TTYH2: variants seen among roughly 807,000 people sequenced by gnomAD.
The protein encoded by TTYH2 is protein tweety homolog 2.
In TTYH2, 49 loss-of-function variants were observed where a neutral mutation model predicts 68.3. The ratio of observed to expected loss-of-function variants is 0.72; its 90% CI spans 0.57 to 0.91. The LOEUF (loss-of-function observed/expected upper bound fraction) is 0.91. TTYH2 is among the 40% of genes least tolerant of loss of function. The pLI is 0.00. For missense variants in TTYH2, 631 were observed against 700.4 expected, an observed-to-expected ratio of 0.90 and a Z score of 1.12; for synonymous variants, 272 against 300.8, an observed-to-expected ratio of 0.90 and a Z score of 0.99.
chr17:74,230,697 G>GTGCCATGATCTTGGCTCAC (rs1202120466), intron 2 of TTYH2, among the ~76,000 whole-genome samples, 191 bp from the exon 3 acceptor site: 1 of 151,182 alleles, frequency 6.6e-6, no homozygotes, highest in African/African-American at 2.4e-5. Context: ...AGGGAGTGCA[G>GTGCCATGATCTTGGCTCAC]TGCCATGATC....
intron 6 of TTYH2, 198 bp from the exon 7 acceptor site, chr17:74,248,813 G>C: frequency 2.1e-6 from 3 of 1,424,436 alleles, no homozygotes; most frequent in Non-Finnish European, 2.8e-6. Flanking sequence ...GGCACAGGAA[G>C]AATAAGTAAC....
At position 74,222,440 on chromosome 17, in the gene TTYH2, C is replaced by T. The variant is rs1455772201; in HGVS notation, c.130-45C>T. The T allele has an allele frequency of 2.6e-6, 4 of 1,565,298 alleles. No homozygotes were observed. The highest frequency in any genetic ancestry group is 3.5e-6 in the Non-Finnish European group (4 of 1,158,214). On this transcript the variant is annotated intron_variant, in intron 1 of 13. Coordinates refer to ENST00000269346, the MANE Select transcript of TTYH2 (RefSeq NM_032646.6). This position sits in a 1 kb window ranked among gnomAD's most constrained non-coding sequence, Gnocchi z 5.2. The stretch of plus-strand genomic sequence containing the variant: ...AGGGCAGGGCACTTCCAGAGCCCCG[C>T]ACTGCAGGGATGAAGAGTGACAACA...
At chr17:74,259,999 G>A in intron 13 of TTYH2, 130 bp from the exon 14 acceptor site, 2 of 763,894 alleles carry the variant, frequency 2.6e-6, no homozygotes, top group Admixed American at 1.9e-5. Flanking sequence ...TGATGGATGT[G>A]GGGTGGAGGC....
intron 3 of TTYH2, among the ~76,000 whole-genome samples, chr17:74,236,441 T>C (rs139523990): frequency 2.6e-5 from 4 of 152,326 alleles, no homozygotes; most frequent in African/African-American, 7.2e-5. Context: ...GTGCTGAAAG[T>C]TTTAAGAGAA....
chr17:74,217,067 A>C lies in TTYH2; in HGVS notation c.129+3351A>C. 6.6e-6 allele frequency among the ~76,000 whole-genome samples: 1 copy of C among 152,218 alleles called. No homozygotes were observed. The highest frequency in any genetic ancestry group is 1.9e-4 in the East Asian group (1 of 5,188). On this transcript the variant is annotated intron_variant, in intron 1 of 13. Transcript: ENST00000269346. This position sits in a 1 kb window ranked among gnomAD's most constrained non-coding sequence, Gnocchi z 4.0. ...CAATGTCTCTCTGAGCAAATGAACGAGGCACTTCGGTGTCCCTGCCTGAGC... is the reference window on the plus strand; with the variant it reads ...CAATGTCTCTCTGAGCAAATGAACGCGGCACTTCGGTGTCCCTGCCTGAGC...
Position 74,222,976 on chromosome 17 carries a change from A to G in TTYH2, c.302+319A>G, listed in dbSNP as rs1008191389. On this transcript the variant is annotated intron_variant, in intron 2 of 13. Transcript: ENST00000269346. The surrounding 1 kb of genome is among the most constrained non-coding windows in gnomAD (Gnocchi z 5.2). ...CCAGTCTCTGTCCCTGGCCCCTGCCAGCTGCTGCCCTGGGTCTGTGAGGTC... is the reference window on the plus strand; with the variant it reads ...CCAGTCTCTGTCCCTGGCCCCTGCCGGCTGCTGCCCTGGGTCTGTGAGGTC... Among the ~76,000 whole-genome samples the G allele has an allele frequency of 1.3e-5, 2 of 152,186 alleles. No individual in the cohort carries two copies. The highest frequency in any genetic ancestry group is 2.9e-5 in the Non-Finnish European group (2 of 68,034).
intron 2 of TTYH2, among the ~76,000 whole-genome samples, chr17:74,226,962 C>CTTTCCTTTCCTT (rs1044832953): frequency 6.6e-6 from 1 of 151,866 alleles, no homozygotes; most frequent in Non-Finnish European, 1.5e-5. Context: ...TTTTCTCTTC[C>CTTTCCTTTCCTT]TTTCCTTTCC....
At chr17:74,255,846 G>A (rs906795412) in intron 13 of TTYH2, among the ~76,000 whole-genome samples, 5 of 152,190 alleles carry the variant, frequency 3.3e-5, no homozygotes, top group Admixed American at 1.3e-4. Context: ...TGGGCCTGGC[G>A]AGGCATTTCA....
intron 1 of TTYH2, among the ~76,000 whole-genome samples, chr17:74,221,201 C>T (rs1439596050): frequency 6.6e-6 from 1 of 152,214 alleles, no homozygotes; most frequent in East Asian, 1.9e-4. Flanking sequence ...AGTCTGTCAG[C>T]CAAGAGTGAC....
chr17:74,243,899 T>TGG, intron 5 of TTYH2, 78 bp from the exon 6 acceptor site: 1 of 1,078,392 alleles, frequency 9.3e-7, no homozygotes, highest in Non-Finnish European at 1.2e-6. Context: ...TGCAAGGGTC[T>TGG]GGGGGCAGGG....
intron 8 of TTYH2, 137 bp from the exon 9 acceptor site, chr17:74,249,799 C>G (rs1431465884): frequency 6.1e-6 from 6 of 979,632 alleles, no homozygotes; most frequent in Non-Finnish European, 9.3e-6. Context: ...GCCTGTGCAG[C>G]TGCAGCCAGG....
chr17:74,222,422 G>A lies in TTYH2; in HGVS notation c.130-63G>A. 1.3e-6 allele frequency: 2 copies of A among 1,520,448 alleles called. No individual in the cohort carries two copies. Among genetic ancestry groups the A allele is most frequent in the South Asian group, 2.5e-5 (2 of 78,846 alleles). 94.2% of individuals were successfully genotyped at this position (1,520,448 alleles called of 1,614,324 possible). On this transcript the variant is annotated intron_variant, in intron 1 of 13. Transcript: ENST00000269346. The surrounding 1 kb of genome is among the most constrained non-coding windows in gnomAD (Gnocchi z 5.2). ...TGGGGCACTCAGGGCCCAAGGGCAG[G>A]GCACTTCCAGAGCCCCGCACTGCAG...
intron 4 of TTYH2, among the ~76,000 whole-genome samples, chr17:74,240,580 C>G (rs2050489268): frequency 6.6e-6 from 1 of 152,216 alleles, no homozygotes; most frequent in Non-Finnish European, 1.5e-5. Flanking sequence ...AAAAAGCCCT[C>G]CCCTGAAGGG....
intron 6 of TTYH2, among the ~76,000 whole-genome samples, chr17:74,247,746 C>T (rs928275624): frequency 2.6e-5 from 4 of 152,174 alleles, no homozygotes; most frequent in African/African-American, 7.2e-5. Flanking sequence ...CTGCTGGCGC[C>T]GCAGCTCTGA....
At chr17:74,249,180 C>T (rs2050592505) in intron 7 of TTYH2, 100 bp downstream of exon 7, 10 of 1,576,156 alleles carry the variant, frequency 6.3e-6, no homozygotes, top group Admixed American at 3.4e-5. Context: ...AACCCCTCCT[C>T]AACCCTGAAC....
intron 13 of TTYH2, among the ~76,000 whole-genome samples, chr17:74,255,760 G>A (rs1355818962): frequency 1.3e-5 from 2 of 152,202 alleles, no homozygotes; most frequent in African/African-American, 2.4e-5. Context: ...TTATAAGAAA[G>A]GACAAGGGGA....
At chr17:74,242,723 A>G (rs1408689552) in intron 4 of TTYH2, among the ~76,000 whole-genome samples, 1 of 152,192 alleles carries the variant, frequency 6.6e-6, no homozygotes, top group East Asian at 1.9e-4. Context: ...TATGGATCCC[A>G]TCCAGCAAGG....
chr17:74,252,346 G>A lies in TTYH2; in HGVS notation c.1229G>A (p.Gly410Glu), dbSNP rs751626306. The change falls in exon 11 of 14, where the codon GGG (glycine) becomes GAG (glutamate). Residue 410 changes from glycine (G) to glutamate (E), a missense_variant. Coordinates refer to ENST00000269346, the MANE Select transcript of TTYH2 (RefSeq NM_032646.6). ...GCCTTCTCCACCATGATCTGTGCAGGGCCAAGGGCCTGGAAGCACTTCACC... is the reference window on the plus strand; with the variant it reads ...GCCTTCTCCACCATGATCTGTGCAGAGCCAAGGGCCTGGAAGCACTTCACC... Reference protein sequence around the residue: ...ALAFSTMICAGPRAWKHFTTR... With the variant: ...ALAFSTMICAEPRAWKHFTTR... The A allele has an allele frequency of 6.2e-7, 1 of 1,613,802 alleles. No individual in the cohort carries two copies. Among genetic ancestry groups the A allele is most frequent in the South Asian group, 1.1e-5 (1 of 91,086 alleles).
At chr17:74,223,675 T>C (rs6501700) in intron 2 of TTYH2, among the ~76,000 whole-genome samples, 2 of 152,110 alleles carry the variant, frequency 1.3e-5, no homozygotes, top group Admixed American at 6.5e-5. Flanking sequence ...AAATCTATAA[T>C]GATTTTTCCA....
Sources: allele counts gnomAD v4.1 joint callset (sites outside exome capture counted in the v4.1 genomes callset), GRCh38; gene constraint gnomAD v4.1.1; non-coding constraint Gnocchi (gnomAD v3.1); transcripts MANE v1.5; gene names NCBI Gene and HGNC (gene_info 2026-07-23, HGNC 2026-07-21).